The following SNX19 variants were observed in gnomAD, a reference collection of about 807,000 sequenced individuals.
The protein encoded by SNX19 is sorting nexin-19.
A neutral mutation model predicts 85.2 loss-of-function variants in SNX19; 60 were observed. That is an observed-to-expected ratio of 0.70 (90% CI 0.57 to 0.87). SNX19 has a LOEUF of 0.87. Ranked by LOEUF, SNX19 falls within the 40% of genes least tolerant of loss-of-function variation. The probability of loss-of-function intolerance (pLI) is 0.00; values close to 1 mark genes in which losing one functional copy is unlikely to be tolerated. For missense variants in SNX19, 1,201 were observed against 1,217.8 expected (o/e 0.99, Z 0.21); for synonymous variants, 520 against 470.0 (o/e 1.11, Z -1.38).
intron 2 of SNX19, 157 bp downstream of exon 2, chr11:130,911,476 T>C: frequency 6.8e-7 from 1 of 1,471,558 alleles, no homozygotes; most frequent in Admixed American, 2.4e-5. Flanking sequence ...ATTGCTGCTG[T>C]CCAGCACTAA....
Position 130,914,947 on chromosome 11 carries a change from T to G in SNX19, c.993A>C (p.Glu331Asp). The G allele has an allele frequency of 1.2e-6, 2 of 1,607,982 alleles. No individual in the cohort carries two copies. Among genetic ancestry groups the G allele is most frequent in the South Asian group, 2.2e-5 (2 of 91,064 alleles). ...GSAGPSPEVEEGHEAVEGDLG... is the reference protein window; with the variant it reads ...GSAGPSPEVEDGHEAVEGDLG... ...AATCTCCCTCTACAGCTTCGTGGCC[T>G]TCTTCAACCTCTGGAGAGGGGCCTG... The change falls in exon 1 of 11, where the codon GAA becomes GAC. Residue 331 changes from glutamate (E) to aspartate (D), a missense_variant. Physicochemically the swap from Glu to Asp is conservative, Grantham distance 45. Transcript: ENST00000265909.
intron 6 of SNX19, 138 bp from the exon 7 acceptor site, chr11:130,906,271 A>G (rs1945662515): frequency 2.3e-6 from 2 of 873,432 alleles, no homozygotes; most frequent in South Asian, 1.8e-5. Flanking sequence ...CTCCTTTAGG[A>G]AAGATTTTAT....
chr11:130,915,461 G>C lies in SNX19; in HGVS notation c.479C>G (p.Thr160Ser), dbSNP rs749399051. 3.1e-6 allele frequency: 5 copies of C among 1,614,070 alleles called. No homozygotes were observed. In the South Asian group the frequency reaches 4.4e-5, roughly 14 times the overall value. The change falls in exon 1 of 11, where the codon ACT (threonine) becomes AGT (serine). Residue 160 changes from threonine (T) to serine (S), a missense_variant. Physicochemically the swap from Thr to Ser is moderately conservative, Grantham distance 58. Coordinates refer to ENST00000265909, the MANE Select transcript of SNX19 (RefSeq NM_014758.3). ...GCTCTGCAGGTGACAACCGCAGAGAGTCAGAACACTCTGGGCAACAGCATG... is the reference window on the plus strand; with the variant it reads ...GCTCTGCAGGTGACAACCGCAGAGACTCAGAACACTCTGGGCAACAGCATG... ...DSHAVAQSVL[T>S]LCGCHLQSYI...
In SNX19 at chr11:130,911,725, A is replaced by G. The variant is rs532256992; in HGVS notation, c.1721T>C (p.Leu574Pro). The change falls in exon 2 of 11, where the codon CTG becomes CCG. Residue 574 changes from leucine (L) to proline (P), a missense_variant. Physicochemically the swap from Leu to Pro is moderately conservative, Grantham distance 98. This residue lies in a region of SNX19 where 791 missense variants were observed against 750.9 expected (regional missense o/e 1.05). Transcript: ENST00000265909. Reference sequence around the variant, plus strand: ...GCGACGATTCACAGTGTGGTAGGCCAGCTGCTGCAGGCCGCTGCTGTTTTC... The same window carrying G: ...GCGACGATTCACAGTGTGGTAGGCCGGCTGCTGCAGGCCGCTGCTGTTTTC... ...DGENSSGLQQ[L>P]AYHTVNRRYR... 134 of 1,614,232 alleles carry G rather than the reference A, an allele frequency of 8.3e-5. 1 individual carries two copies. The East Asian group carries it at 2.7e-3, about 32-fold the overall frequency.
intron 8 of SNX19, among the ~76,000 whole-genome samples, chr11:130,896,994 A>G (rs962133706): frequency 2.0e-5 from 3 of 151,814 alleles, no homozygotes; most frequent in Non-Finnish European, 4.4e-5. Flanking sequence ...AAGAGGGTTC[A>G]TGGTCAACCT....
At chr11:130,889,244 A>T (rs643755) in intron 8 of SNX19, among the ~76,000 whole-genome samples, 150,833 of 152,200 alleles carry the variant, frequency 0.99, 74,760 homozygotes, top group Middle Eastern at 1. Flanking sequence ...TTCTGTTTTT[A>T]AAATATGTTC....
Position 130,878,381 on chromosome 11 carries a change from A to G in SNX19, c.*41T>C. On this transcript the variant is annotated 3_prime_UTR_variant, in exon 11 of 11. Transcript: ENST00000265909. ...CTGACTGGTCTCTGGTGGCCGAGTA[A>G]CTCTACTTCCCTGACCTGGGAAGAA... is the stretch of plus-strand genomic sequence containing the variant. 6.3e-7 allele frequency: 1 copy of G among 1,595,476 alleles called. No homozygotes were observed. Among genetic ancestry groups the G allele is most frequent in the Non-Finnish European group, 8.6e-7 (1 of 1,168,676 alleles).
intron 8 of SNX19, among the ~76,000 whole-genome samples, chr11:130,896,674 T>C (rs7948812): frequency 0.64 from 96,642 of 152,052 alleles, 30,997 homozygotes; most frequent in South Asian, 0.8. Context: ...CGTTATTTTA[T>C]CTGAATGTAA....
At chr11:130,879,579 GTGGC>G (rs1409560100) in intron 10 of SNX19, 41 bp downstream of exon 10, 1 of 1,537,094 alleles carries the variant, frequency 6.5e-7, no homozygotes, top group East Asian at 2.3e-5. Flanking sequence ...GAGACCAGAG[GTGGC>G]TGTAACTATG....
In SNX19 at chr11:130,869,946, G is replaced by A. The variant is rs1942954044; in HGVS notation, c.*8476C>T. On this transcript the variant is annotated 3_prime_UTR_variant, in exon 11 of 11. Coordinates refer to ENST00000265909, the MANE Select transcript of SNX19 (RefSeq NM_014758.3). ...GGAATAAAGAAAAAGCAATTGTGAA[G>A]TTCCATAAGAATAGGAGAAATGACA... 6.6e-6 allele frequency: 1 copy of A among 151,788 alleles called. No individual in the cohort carries two copies. The highest frequency in any genetic ancestry group is 1.5e-5 in the Non-Finnish European group (1 of 67,982). 9.4% of individuals were successfully genotyped at this position (151,788 alleles called of 1,614,324 possible).
chr11:130,908,218 T>G (rs960053635), intron 4 of SNX19, 135 bp from the exon 5 acceptor site: 18 of 945,874 alleles, frequency 1.9e-5, no homozygotes, highest in Non-Finnish European at 2.4e-5. Flanking sequence ...CCTTATCCAG[T>G]AGGAAGGTCG....
At chr11:130,907,900 G>A in intron 5 of SNX19, 53 bp downstream of exon 5, 1 of 1,604,918 alleles carries the variant, frequency 6.2e-7, no homozygotes, top group East Asian at 2.2e-5. Context: ...CTGAGGATTG[G>A]GGATCAATTT....
In SNX19 at chr11:130,874,378, AAC is replaced by A. The variant is rs1381879289; in HGVS notation, c.*4042_*4043del. Among the ~76,000 whole-genome samples the A allele has an allele frequency of 6.6e-6, 1 of 152,210 alleles. No homozygotes were observed. The highest frequency in any genetic ancestry group is 2.4e-5 in the African/African-American group (1 of 41,448). ...ATGGTTCCTTCATTCCTTAGAAGAA[AAC>A]ACAGAAGAGATGCTCCTGTTCTTTT... On this transcript the variant is annotated 3_prime_UTR_variant, in exon 11 of 11. Transcript: ENST00000265909.
chr11:130,880,991 T>G, intron 8 of SNX19, 185 bp from the exon 9 acceptor site: 1 of 416,404 alleles, frequency 2.4e-6, no homozygotes, highest in Admixed American at 4.1e-5. Context: ...TAAATGCCCT[T>G]ATAAAAGAAA....
chr11:130,890,684 T>C (rs1332278893), intron 8 of SNX19, among the ~76,000 whole-genome samples: 1 of 152,120 alleles, frequency 6.6e-6, no homozygotes. Flanking sequence ...TCTCTCTCAC[T>C]GTCCGCTGGC....
In SNX19 at chr11:130,877,348, C is replaced by T. The variant is rs922368086; in HGVS notation, c.*1074G>A. On this transcript the variant is annotated 3_prime_UTR_variant, in exon 11 of 11. Coordinates refer to ENST00000265909, the MANE Select transcript of SNX19 (RefSeq NM_014758.3). ...CAGTCTGACAAAACACCTTTGCCTT[C>T]ATGCTGGTGTTGTTAAAGGACTGAT... 2.6e-5 allele frequency: 4 copies of T among 152,184 alleles called. No homozygotes were observed. Among genetic ancestry groups the T allele is most frequent in the South Asian group, 4.1e-4 (2 of 4,826 alleles). The allele number at this position is 152,184 out of a possible 1,614,324, so 9.4% of individuals were successfully genotyped here.
chr11:130,871,623 G>A lies in SNX19; in HGVS notation c.*6799C>T, dbSNP rs1943030198. On this transcript the variant is annotated 3_prime_UTR_variant, in exon 11 of 11. Coordinates refer to ENST00000265909, the MANE Select transcript of SNX19 (RefSeq NM_014758.3). ...CTATGCTCACAAGTCACCAAATCCA[G>A]TTCAACACAGTATAAACAAGCCATT... Among the ~76,000 whole-genome samples the A allele has an allele frequency of 6.6e-6, 1 of 152,154 alleles. No homozygotes were observed. The highest frequency in any genetic ancestry group is 1.5e-5 in the Non-Finnish European group (1 of 68,034).
At chr11:130,878,604 A>G in intron 10 of SNX19, 50 bp from the exon 11 acceptor site, 2 of 1,590,488 alleles carry the variant, frequency 1.3e-6, no homozygotes, top group Non-Finnish European at 1.7e-6. Context: ...CAGGAAACAC[A>G]AGATCCTGTT....
At chr11:130,879,378 C>T (rs1407823122) in intron 10 of SNX19, among the ~76,000 whole-genome samples, 2 of 152,166 alleles carry the variant, frequency 1.3e-5, no homozygotes, top group Non-Finnish European at 2.9e-5. Flanking sequence ...TTCTTCCAAA[C>T]ACAAATGGTG....
Sources: allele counts gnomAD v4.1 joint callset (sites outside exome capture counted in the v4.1 genomes callset), GRCh38; gene constraint gnomAD v4.1.1; regional missense constraint gnomAD v4.1.1; transcripts MANE v1.5; gene names NCBI Gene and HGNC (gene_info 2026-07-23, HGNC 2026-07-21).